Variants in COL4A4 observed in about 807,000 individuals in gnomAD.
COL4A4 encodes collagen alpha-4(IV) chain.
Under a neutral mutation model 192.9 loss-of-function variants are expected in COL4A4, and 105 were observed. The ratio of observed to expected loss-of-function variants is 0.54; its 90% confidence interval spans 0.46 to 0.64. The LOEUF (loss-of-function observed/expected upper bound fraction) is 0.64, where lower values mean the gene tolerates loss of function less well. COL4A4 is among the 30% of genes least tolerant of loss of function. The pLI, the probability that COL4A4 is intolerant of heterozygous loss-of-function variation, is 0.00. For synonymous variants in COL4A4, 762 were observed against 769.9 expected (o/e 0.99, Z 0.17); for missense variants, 1,967 against 2,169.3 (o/e 0.91, Z 1.85).
intron 27 of COL4A4, 90 bp from the exon 28 acceptor site, chr2:227,059,713 C>T: frequency 9.9e-7 from 1 of 1,009,970 alleles, no homozygotes; most frequent in Non-Finnish European, 1.5e-6. Context: ...AAATACTTTT[C>T]TTAAAAACAC....
chr2:226,978,577 C>T, the COL4A4 span, among the ~76,000 whole-genome samples: 1 of 152,200 alleles, frequency 6.6e-6, no homozygotes, highest in Non-Finnish European at 1.5e-5. Flanking sequence ...TCCATTCCTG[C>T]ATTTGTTCAT....
chr2:227,125,344 G>A (rs141795967), intron 4 of COL4A4, among the ~76,000 whole-genome samples: 63 of 152,040 alleles, frequency 4.1e-4, no homozygotes, highest in African/African-American at 1.5e-3. Context: ...CCGTAGCTGG[G>A]ACCACAGGCG....
intron 22 of COL4A4, among the ~76,000 whole-genome samples, chr2:227,083,911 G>T (rs1276641106): frequency 6.6e-6 from 1 of 152,134 alleles, no homozygotes; most frequent in African/African-American, 2.4e-5. Context: ...CAGTGAAGAG[G>T]AAGCCAAAAA....
chr2:227,130,357 GA>G (rs1421987676), intron 4 of COL4A4, among the ~76,000 whole-genome samples: 1 of 152,228 alleles, frequency 6.6e-6, no homozygotes, highest in Non-Finnish European at 1.5e-5. Context: ...GGCCATTGGA[GA>G]AGGGTTTTCC....
rs770268591 is a variant in COL4A4, at chr2:227,008,271, G to A, written c.4556C>T (p.Thr1519Met). 3.9e-5 allele frequency: 63 copies of A among 1,614,128 alleles called. No individual in the cohort carries two copies. The highest frequency in any genetic ancestry group is 4.7e-5 in the Non-Finnish European group (55 of 1,180,046). ...LAGSCLPVFS[T>M]LPFAYCNIHQ... ...GATGTTGCAGTAGGCAAAGGGCAGCGTGCTAAATACGGGAAGGCAAGACCC... is the reference window on the plus strand; with the variant it reads ...GATGTTGCAGTAGGCAAAGGGCAGCATGCTAAATACGGGAAGGCAAGACCC... Residue 1519 changes from threonine to methionine, a missense_variant, in exon 47 of 48, where the codon ACG (threonine) becomes ATG (methionine). Thr to Met is a moderately conservative substitution (Grantham distance 81). Transcript: ENST00000396625.
At chr2:227,060,329 T>A in intron 26 of COL4A4, 86 bp from the exon 27 acceptor site, 1 of 919,698 alleles carries the variant, frequency 1.1e-6, no homozygotes, top group Non-Finnish European at 1.7e-6. Flanking sequence ...AAGTCTATGT[T>A]AAGTCCTTTT....
intron 26 of COL4A4, 137 bp from the exon 27 acceptor site, chr2:227,060,380 C>A: frequency 1.5e-6 from 1 of 648,150 alleles, no homozygotes; most frequent in Non-Finnish European, 2.7e-6. Flanking sequence ...GTTGCCTATC[C>A]CGATTTACAA....
chr2:227,100,079 G>C (rs2060422410), intron 17 of COL4A4, among the ~76,000 whole-genome samples: 1 of 152,124 alleles, frequency 6.6e-6, no homozygotes, highest in South Asian at 2.1e-4. Context: ...TTTTATTTTA[G>C]CAACAAATAG....
chr2:226,976,283 A>T, the COL4A4 span, among the ~76,000 whole-genome samples: 1 of 146,436 alleles, frequency 6.8e-6, no homozygotes, highest in African/African-American at 2.6e-5. Flanking sequence ...TAGATCTTGG[A>T]TATGCCCACC....
At chr2:226,992,785 T>C in the COL4A4 span, among the ~76,000 whole-genome samples, 123 of 152,240 alleles carry the variant, frequency 8.1e-4, 1 homozygote, top group East Asian at 0.02. Context: ...ACACTTGCGG[T>C]GTGAGAACCG....
intron 2 of COL4A4, among the ~76,000 whole-genome samples, chr2:227,145,135 G>T (rs768494397): frequency 3.9e-5 from 6 of 152,136 alleles, no homozygotes; most frequent in Non-Finnish European, 8.8e-5. Flanking sequence ...TTTTAACAGA[G>T]GACATATGCA....
At chr2:227,026,377 A>G (rs542514613) in intron 42 of COL4A4, among the ~76,000 whole-genome samples, 203 of 152,178 alleles carry the variant, frequency 1.3e-3, no homozygotes, top group African/African-American at 4.8e-3. Flanking sequence ...GGGCGCCTGT[A>G]GTCCCAGCTA....
Position 227,154,388 on chromosome 2 carries a change from A to G in COL4A4, c.-101-6804T>C, listed in dbSNP as rs555700130. On this transcript the variant is annotated intron_variant, in intron 1 of 47. Transcript: ENST00000396625. ...ACAAATACACCCTGCTGGGGTTCTC[A>G]TCGAATGGGGGAGGAGAAATGTCTA... Among the ~76,000 whole-genome samples, 33 of 152,296 alleles carry G rather than the reference A, an allele frequency of 2.2e-4. 2 individuals are homozygous for G. Among genetic ancestry groups the G allele is most frequent in the Admixed American group, 1.4e-3 (22 of 15,296 alleles).
rs6741901 is a variant in COL4A4, at chr2:227,100,898, A to G, written c.1029+606T>C. On this transcript the variant is annotated intron_variant, in intron 17 of 47. Coordinates refer to ENST00000396625, the MANE Select transcript of COL4A4 (RefSeq NM_000092.5). ...CAGCTCACTGCAAGCTCCACCTCCC[A>G]GGTTCATGCCATTCTCCTGCCTCAG... Among the ~76,000 whole-genome samples, 1,438 of 151,246 alleles carry G rather than the reference A, an allele frequency of 9.5e-3. 26 individuals carry two copies. Among genetic ancestry groups the G allele is most frequent in the African/African-American group, 0.033 (1,353 of 41,162 alleles).
chr2:227,124,924 T>C (rs1039159953), intron 4 of COL4A4, among the ~76,000 whole-genome samples: 8 of 152,234 alleles, frequency 5.3e-5, no homozygotes, highest in African/African-American at 1.4e-4. Flanking sequence ...TTATCTTTTG[T>C]GAATGCAGTA....
chr2:226,975,329 C>T, the COL4A4 span, among the ~76,000 whole-genome samples: 4 of 152,092 alleles, frequency 2.6e-5, no homozygotes, highest in Admixed American at 2.0e-4. Flanking sequence ...AAAATCATCA[C>T]GTTGTACACC....
intron 4 of COL4A4, among the ~76,000 whole-genome samples, chr2:227,134,119 G>C (rs1306950813): frequency 1.3e-5 from 2 of 152,078 alleles, no homozygotes; most frequent in Non-Finnish European, 2.9e-5. Flanking sequence ...TTAATTGCTA[G>C]GCACTGGGTT....
At chr2:227,140,294 A>G (rs2063113847) in intron 3 of COL4A4, 56 bp from the exon 4 acceptor site, 2 of 1,402,972 alleles carry the variant, frequency 1.4e-6, no homozygotes, top group African/African-American at 1.4e-5. Context: ...AACTACGTGC[A>G]TAACACATAC....
chr2:227,045,846 ATACAC>A lies in COL4A4; in HGVS notation c.3289+1624_3289+1628del, dbSNP rs1972490597. ...TATATATATATACACACATATATATATACACATATATATATACACATATATATACA... is the reference window on the plus strand; with the variant it reads ...TATATATATATACACACATATATATAATATATATATACACATATATATACA... On this transcript the variant is annotated intron_variant, in intron 35 of 47. Transcript: ENST00000396625. Among the ~76,000 whole-genome samples the A allele has an allele frequency of 3.0e-5, 2 of 67,292 alleles. 1 individual carries two copies. The highest frequency in any genetic ancestry group is 5.6e-5 in the Non-Finnish European group (2 of 36,018). 44.1% of individuals were successfully genotyped at this position (67,292 alleles called of 152,430 possible).
Sources: allele counts gnomAD v4.1 joint callset (sites outside exome capture counted in the v4.1 genomes callset), GRCh38; gene constraint gnomAD v4.1.1; transcripts MANE v1.5; gene names NCBI Gene and HGNC (gene_info 2026-07-23, HGNC 2026-07-21).